CHST11: variants seen among roughly 807,000 people sequenced by gnomAD.
CHST11 encodes the protein C4S-1.
A neutral mutation model predicts 30.4 loss-of-function variants in CHST11; 9 were observed. That is an observed-to-expected ratio of 0.30 (90% confidence interval 0.18 to 0.52). The LOEUF is 0.52. CHST11 is among the 20% of genes least tolerant of loss of function. CHST11 has a pLI of 0.97. For synonymous variants in CHST11, 152 were observed against 187.8 expected (o/e 0.81, Z 1.56); for missense variants, 348 against 460.6 (o/e 0.76, Z 2.24).
intron 2 of CHST11, among the ~76,000 whole-genome samples, chr12:104,756,532 G>GGTGTGTGTGTGTGT (rs113577198): frequency 0.068 from 9,713 of 143,252 alleles, 399 homozygotes; most frequent in Non-Finnish European, 0.075. Context: ...ATCCATGTGG[G>GGTGTGTGTGTGTGT]GTGTGTGTGT....
In CHST11 at chr12:104,601,886, C is replaced by G. The variant is rs2038960040; in HGVS notation, c.119-20C>G. 1.3e-6 allele frequency: 2 copies of G among 1,595,918 alleles called. No homozygotes were observed. The highest frequency in any genetic ancestry group is 2.2e-5 in the East Asian group (1 of 44,814). ...ATCTTTGTTGCTCATTTCTGATGAG[C>G]CTTCACTTTCTTTCCTCAGTCATGC... On this transcript the variant is annotated intron_variant, in intron 1 of 2. Coordinates refer to ENST00000303694, the MANE Select transcript of CHST11 (RefSeq NM_018413.6).
intron 1 of CHST11, among the ~76,000 whole-genome samples, chr12:104,539,313 T>C (rs1215850182): frequency 6.6e-6 from 1 of 152,132 alleles, no homozygotes; most frequent in African/African-American, 2.4e-5. Context: ...GGGATAATAA[T>C]AATATTGGTA....
intron 2 of CHST11, among the ~76,000 whole-genome samples, chr12:104,617,703 C>T (rs766062691): frequency 1.3e-5 from 2 of 152,112 alleles, no homozygotes; most frequent in Admixed American, 6.6e-5. Flanking sequence ...CAGGTTGCCT[C>T]GGTTCAAATT....
intron 1 of CHST11, among the ~76,000 whole-genome samples, chr12:104,566,538 TTCACC>T (rs2038568573): frequency 2.0e-5 from 3 of 152,152 alleles, no homozygotes; most frequent in African/African-American, 7.2e-5. Flanking sequence ...CTTTGTGACT[TTCACC>T]TGAGGACCTG....
chr12:104,519,788 C>T (rs1308369049), intron 1 of CHST11, among the ~76,000 whole-genome samples: 1 of 152,188 alleles, frequency 6.6e-6, no homozygotes, highest in African/African-American at 2.4e-5. Flanking sequence ...AGCATGGAAA[C>T]ATGGTTGAGT....
rs1489231092 is a variant in CHST11 at position 104,458,549 on chromosome 12, G to C, written c.118+1020G>C. Among the ~76,000 whole-genome samples the C allele has an allele frequency of 2.6e-5, 4 of 152,248 alleles. No individual in the cohort carries two copies. The highest frequency in any genetic ancestry group is 4.4e-5 in the Non-Finnish European group (3 of 68,040). On this transcript the variant is annotated intron_variant, in intron 1 of 2. Coordinates refer to ENST00000303694, the MANE Select transcript of CHST11 (RefSeq NM_018413.6). This position sits in a 1 kb window ranked among gnomAD's most constrained non-coding sequence, Gnocchi z 5.7. ...GCGGCGGCCGGGGGTGAGCAGCTCG[G>C]CTGCGAAGCCCAACAGGTAGAACGT...
chr12:104,648,595 C>T (rs896091260), intron 2 of CHST11, among the ~76,000 whole-genome samples: 3 of 151,944 alleles, frequency 2.0e-5, no homozygotes, highest in African/African-American at 7.2e-5. Context: ...GGATCACTTG[C>T]GGTCAGGAGT....
At chr12:104,591,968 C>T (rs1391407112) in intron 1 of CHST11, among the ~76,000 whole-genome samples, 3 of 151,638 alleles carry the variant, frequency 2.0e-5, no homozygotes, top group Admixed American at 6.6e-5. Flanking sequence ...AGCTGCAACT[C>T]GGCCTATAGC....
At chr12:104,753,936 G>T (rs1425534502) in intron 2 of CHST11, among the ~76,000 whole-genome samples, 3 of 152,102 alleles carry the variant, frequency 2.0e-5, no homozygotes, top group African/African-American at 7.3e-5. Context: ...GGAAACAAAG[G>T]CCAAGAAAGG....
intron 2 of CHST11, among the ~76,000 whole-genome samples, chr12:104,614,041 TG>T (rs1472826704): frequency 6.6e-6 from 1 of 152,246 alleles, no homozygotes; most frequent in Non-Finnish European, 1.5e-5. Context: ...AGATCTTAAA[TG>T]TTCTGACTAC....
At chr12:104,709,491 G>A (rs1273221821) in intron 2 of CHST11, among the ~76,000 whole-genome samples, 1 of 152,236 alleles carries the variant, frequency 6.6e-6, no homozygotes, top group African/African-American at 2.4e-5. Flanking sequence ...GCCAGCTCTG[G>A]GTGGGGCCGG....
chr12:104,572,190 C>A (rs1464146914), intron 1 of CHST11, among the ~76,000 whole-genome samples: 1 of 151,786 alleles, frequency 6.6e-6, no homozygotes, highest in Non-Finnish European at 1.5e-5. Context: ...TTTGTTGTGT[C>A]TCTGCCAGGC....
At chr12:104,704,871 C>G (rs1004026996) in intron 2 of CHST11, among the ~76,000 whole-genome samples, 10 of 152,052 alleles carry the variant, frequency 6.6e-5, no homozygotes, top group South Asian at 2.1e-4. Flanking sequence ...CTTGGCCCCT[C>G]AGTACTCCTC....
At chr12:104,644,735 T>A (rs908710070) in intron 2 of CHST11, among the ~76,000 whole-genome samples, 8 of 152,072 alleles carry the variant, frequency 5.3e-5, no homozygotes, top group Non-Finnish European at 1.2e-4. Context: ...CTGACCAGTG[T>A]AGGTAGGGGA....
At chr12:104,576,321 A>T (rs561266766) in intron 1 of CHST11, among the ~76,000 whole-genome samples, 1 of 152,296 alleles carries the variant, frequency 6.6e-6, no homozygotes, top group Admixed American at 6.5e-5. Flanking sequence ...GGAATCCCTG[A>T]CACAGTGGGC....
chr12:104,590,439 A>G (rs1029706992), intron 1 of CHST11, among the ~76,000 whole-genome samples: 6 of 152,212 alleles, frequency 3.9e-5, no homozygotes, highest in African/African-American at 1.2e-4. Context: ...CTTTTGGGAA[A>G]GGCACTTCCA....
At chr12:104,706,203 G>A (rs2040033033) in intron 2 of CHST11, among the ~76,000 whole-genome samples, 1 of 151,778 alleles carries the variant, frequency 6.6e-6, no homozygotes, top group Non-Finnish European at 1.5e-5. Flanking sequence ...GGCCAACATG[G>A]TGAAACCCTG....
chr12:104,736,094 A>G (rs1381006896), intron 2 of CHST11, among the ~76,000 whole-genome samples: 1 of 152,146 alleles, frequency 6.6e-6, no homozygotes, highest in South Asian at 2.1e-4. Context: ...CCACTCTCAG[A>G]CATTCCAAGT....
chr12:104,477,437 A>C (rs1341378729), intron 1 of CHST11, among the ~76,000 whole-genome samples: 1 of 152,166 alleles, frequency 6.6e-6, no homozygotes, highest in Non-Finnish European at 1.5e-5. Flanking sequence ...ATTTAGGAGG[A>C]AAAACATATG....
Sources: allele counts gnomAD v4.1 joint callset (sites outside exome capture counted in the v4.1 genomes callset), GRCh38; gene constraint gnomAD v4.1.1; non-coding constraint Gnocchi (gnomAD v3.1); transcripts MANE v1.5; gene names NCBI Gene and HGNC (gene_info 2026-07-23, HGNC 2026-07-21).